NYAP2: variants seen among roughly 807,000 people sequenced by gnomAD.
NYAP2 encodes neuronal tyrosine-phosphorylated phosphoinositide-3-kinase adapter 2.
NYAP2 carries 23 observed loss-of-function variants against 50.4 expected under a neutral mutation model. That is an observed-to-expected ratio of 0.46 (90% CI 0.33 to 0.65). NYAP2 has a LOEUF of 0.65. Ranked by LOEUF, NYAP2 falls within the 30% of genes least tolerant of loss-of-function variation. NYAP2 has a pLI of 0.02. For missense variants in NYAP2, 885 were observed against 861.0 expected, an observed-to-expected ratio of 1.03 and a Z score of -0.35; for synonymous variants, 394 against 365.2, an observed-to-expected ratio of 1.08 and a Z score of -0.90.
At chr2:225,408,900 T>C in exon 3 of NYAP2, 1 of 1,608,742 alleles carries the variant, frequency 6.2e-7, no homozygotes, top group African/African-American at 1.3e-5. Flanking sequence ...TCCAAGATGA[T>C]GAGTTCTAAT....
chr2:225,656,734 AC>A (rs1693834325), downstream of NYAP2, among the ~76,000 whole-genome samples: 1 of 152,142 alleles, frequency 6.6e-6, no homozygotes. Context: ...ACATGTGAAG[AC>A]CAGGGTGAAG....
exon 4 of NYAP2, chr2:225,513,634 C>T: frequency 6.5e-7 from 1 of 1,530,250 alleles, no homozygotes; most frequent in Non-Finnish European, 8.8e-7. Context: ...AGCAGCACTG[C>T]AGCCAGTAAG....
At chr2:225,638,149 C>CATGTGTTT (rs1559236910) in intron 6 of NYAP2, among the ~76,000 whole-genome samples, 2 of 102,806 alleles carry the variant, frequency 1.9e-5, no homozygotes, top group African/African-American at 3.7e-5. Context: ...TAAACAGACT[C>CATGTGTTT]GTGTGTTTGT....
At chr2:225,581,479 G>A in intron 4 of NYAP2, among the ~76,000 whole-genome samples, 1 of 152,218 alleles carries the variant, frequency 6.6e-6, no homozygotes, top group Non-Finnish European at 1.5e-5. Flanking sequence ...CAAGCAAGAT[G>A]TGTTCACCTA....
chr2:225,520,358 C>G lies in NYAP2; in HGVS notation c.523+6686C>G, dbSNP rs527247048. Among the ~76,000 whole-genome samples the G allele has an allele frequency of 3.3e-5, 5 of 152,118 alleles. No individual in the cohort carries two copies. The South Asian group carries it at 1.0e-3, about 32-fold the overall frequency. ...ATGAAGTCCTTGCCCATGCCTATGTCCTGAATGGTAATGCCTAGGTTTTCT... is the reference window on the plus strand; with the variant it reads ...ATGAAGTCCTTGCCCATGCCTATGTGCTGAATGGTAATGCCTAGGTTTTCT... On this transcript the variant is annotated intron_variant, in intron 4 of 6. Coordinates refer to ENST00000636099, the Ensembl canonical transcript of NYAP2.
chr2:225,535,956 T>C (rs1691342228), intron 4 of NYAP2, among the ~76,000 whole-genome samples: 1 of 152,218 alleles, frequency 6.6e-6, no homozygotes, highest in African/African-American at 2.4e-5. Context: ...AGACTCTATA[T>C]AAACACTCAT....
chr2:225,474,370 A>G (rs1417031343), intron 3 of NYAP2, among the ~76,000 whole-genome samples: 2 of 151,978 alleles, frequency 1.3e-5, no homozygotes, highest in South Asian at 2.1e-4. Context: ...GCTTGATGGG[A>G]ATGGCATTGA....
chr2:225,572,784 A>G (rs1202964737), intron 4 of NYAP2, among the ~76,000 whole-genome samples: 1 of 152,208 alleles, frequency 6.6e-6, no homozygotes. Flanking sequence ...TGCTGAGTCC[A>G]TGTCCACAAC....
At chr2:225,687,804 C>A in the NYAP2 span, among the ~76,000 whole-genome samples, 3 of 152,220 alleles carry the variant, frequency 2.0e-5, no homozygotes, top group South Asian at 6.2e-4. Flanking sequence ...GTACCCAGTA[C>A]GTATGGACAG....
chr2:225,447,903 T>C (rs1689586803), intron 3 of NYAP2, among the ~76,000 whole-genome samples: 1 of 152,204 alleles, frequency 6.6e-6, no homozygotes, highest in African/African-American at 2.4e-5. Context: ...TTCAAACAAA[T>C]ATAATTTCTG....
chr2:225,656,015 A>C (rs1256020266), downstream of NYAP2, among the ~76,000 whole-genome samples: 1 of 151,970 alleles, frequency 6.6e-6, no homozygotes, highest in African/African-American at 2.4e-5. Flanking sequence ...TTCTCATGTC[A>C]AGGAATTACA....
chr2:225,700,929 G>C, the NYAP2 span: 2 of 151,896 alleles, frequency 1.3e-5, no homozygotes, highest in African/African-American at 4.8e-5. Flanking sequence ...ACTTATGCTA[G>C]GGCCAGGTTT....
At position 225,518,580 on chromosome 2, in the gene NYAP2, G is replaced by T. The variant is rs1161521186; in HGVS notation, c.523+4908G>T. Among the ~76,000 whole-genome samples, 4 of 37,768 alleles carry T rather than the reference G, an allele frequency of 1.1e-4. 1 individual carries two copies. Among genetic ancestry groups the T allele is most frequent in the Non-Finnish European group, 1.5e-4 (3 of 19,818 alleles). 24.8% of individuals were successfully genotyped at this position (37,768 alleles called of 152,430 possible). ...TATATATATATATATTAGCGTGTGC[G>T]CTTATATATATATATATATATATAT... On this transcript the variant is annotated intron_variant, in intron 4 of 6. Transcript: ENST00000636099.
intron 4 of NYAP2, among the ~76,000 whole-genome samples, chr2:225,580,678 G>A (rs1192932908): frequency 6.6e-6 from 1 of 151,960 alleles, no homozygotes; most frequent in African/African-American, 2.4e-5. Context: ...CTCAGTTGAT[G>A]GATGGAACAG....
chr2:225,697,461 A>T, the NYAP2 span, among the ~76,000 whole-genome samples: 1 of 151,998 alleles, frequency 6.6e-6, no homozygotes, highest in Non-Finnish European at 1.5e-5. Flanking sequence ...CATTCTAAGC[A>T]TATGGTGTGC....
chr2:225,474,287 A>T (rs1368606765), intron 3 of NYAP2, among the ~76,000 whole-genome samples: 1 of 152,122 alleles, frequency 6.6e-6, no homozygotes, highest in Non-Finnish European at 1.5e-5. Flanking sequence ...TGACTTGGCG[A>T]TGAGGGCTCT....
upstream of NYAP2, among the ~76,000 whole-genome samples, chr2:225,398,647 A>G (rs1031241644): frequency 6.9e-6 from 1 of 144,188 alleles, no homozygotes; most frequent in African/African-American, 2.6e-5. Flanking sequence ...AGAGAGAGGG[A>G]AAGGGAGAGC....
chr2:225,446,045 G>A (rs1689548544), intron 3 of NYAP2, among the ~76,000 whole-genome samples: 2 of 151,734 alleles, frequency 1.3e-5, no homozygotes, highest in Admixed American at 6.6e-5. Flanking sequence ...GAGAGGTGTG[G>A]TAGTTCAAGC....
At chr2:225,651,480 T>A (rs1237646425) in exon 7 of NYAP2, 1 of 1,613,896 alleles carries the variant, frequency 6.2e-7, no homozygotes, top group Non-Finnish European at 8.5e-7. Flanking sequence ...ACGTCAGGTG[T>A]GCCTCCTCCA....
Sources: gnomAD v4.1 joint callset for allele counts (sites outside exome capture counted in the v4.1 genomes callset) on GRCh38, gnomAD v4.1.1 for gene constraint, MANE v1.5 for transcripts, NCBI Gene and HGNC (gene_info 2026-07-23, HGNC 2026-07-21) for gene names.